SRM: variants seen among roughly 807,000 people sequenced by gnomAD.
SRM encodes putrescine aminopropyltransferase.
Under a neutral mutation model 39.3 loss-of-function variants are expected in SRM, and 14 were observed. The observed-to-expected ratio is 0.36, with a 90% CI of 0.24 to 0.56. SRM has a LOEUF of 0.56. Among genes scored for constraint, SRM ranks in the 20% least tolerant of loss-of-function variants. The pLI is 0.86. For missense variants in SRM, 244 were observed against 409.2 expected, an observed-to-expected ratio of 0.60 and a Z score of 3.48; for synonymous variants, 195 against 173.1, an observed-to-expected ratio of 1.13 and a Z score of -0.99.
chr1:11,059,906 G>A lies in SRM; in HGVS notation c.38C>T (p.Pro13Leu), dbSNP rs780258826. 1.0e-5 allele frequency: 14 copies of A among 1,404,030 alleles called. No homozygotes were observed. The highest frequency in any genetic ancestry group is 2.9e-5 in the Admixed American group (1 of 34,556). The allele number at this position is 1,404,030 out of a possible 1,614,324, so 87.0% of individuals were successfully genotyped here. ...PGPDGPAASG[P>L]AAIREGWFRE... ...GAACCAGCCCTCGCGGATGGCGGCG[G>A]GGCCGGAGGCGGCGGGGCCGTCGGG... The change falls in exon 1 of 8, where the codon CCC (proline) becomes CTC (leucine). Residue 13 changes from proline (P) to leucine (L), a missense_variant. Transcript: ENST00000376957.
Position 11,054,681 on chromosome 1 carries a change from G to A in SRM, c.*184C>T, listed in dbSNP as rs969362735. 10 of 839,742 alleles carry A rather than the reference G, an allele frequency of 1.2e-5. No individual in the cohort carries two copies. Among genetic ancestry groups the A allele is most frequent in the African/African-American group, 6.9e-5 (4 of 58,218 alleles). 52.0% of individuals were successfully genotyped at this position (839,742 alleles called of 1,614,324 possible). A position where few individuals can be genotyped will look rare whatever the true frequency, so the allele number is the denominator to read the frequency against. On this transcript the variant is annotated 3_prime_UTR_variant, in exon 8 of 8. Transcript: ENST00000376957. This position sits in a 1 kb window ranked among gnomAD's most constrained non-coding sequence, Gnocchi z 4.8. ...GCTGGTATAGGCTTGGAGGTGGAAC[G>A]CCAGAGAGACAGACACACAGACAGT...
intron 3 of SRM, 52 bp from the exon 4 acceptor site, chr1:11,056,809 G>A (rs755916901): frequency 7.5e-6 from 12 of 1,600,946 alleles, no homozygotes; most frequent in Admixed American, 1.7e-5. Context: ...GGGACCTGGA[G>A]CCAGCACAGC....
rs549626368 is a variant in SRM, at chr1:11,058,896, G to A, written c.289-4C>T. The A allele has an allele frequency of 1.9e-5, 30 of 1,603,758 alleles. No homozygotes were observed. Among genetic ancestry groups the A allele is most frequent in the Non-Finnish European group, 2.1e-5 (25 of 1,176,108 alleles). On this transcript the variant is annotated splice_region_variant and splice_polypyrimidine_tract_variant and intron_variant, in intron 2 of 7. Transcript: ENST00000376957. Reference sequence around the variant, plus strand: ...CTCCGCCCCCGATGATCAGCACCTGGGAGGAGGGGGCAGTCAAGGCAGGGG... The same window carrying A: ...CTCCGCCCCCGATGATCAGCACCTGAGAGGAGGGGGCAGTCAAGGCAGGGG...
At chr1:11,059,075 C>A (rs1239047226) in intron 2 of SRM, 150 bp downstream of exon 2, 1 of 1,430,900 alleles carries the variant, frequency 7.0e-7, no homozygotes, top group Non-Finnish European at 9.5e-7. Context: ...ATTCCGAGGC[C>A]GCGTCAGTGT....
chr1:11,054,683 CAG>C lies in SRM; in HGVS notation c.*180_*181del, dbSNP rs752702385. 4.0e-5 allele frequency: 35 copies of C among 866,188 alleles called. No homozygotes were observed. The Middle Eastern group carries it at 1.8e-3, about 44-fold the overall frequency. 53.7% of individuals were successfully genotyped at this position (866,188 alleles called of 1,614,324 possible). A position where few individuals can be genotyped will look rare whatever the true frequency, so the allele number is the denominator to read the frequency against. On this transcript the variant is annotated 3_prime_UTR_variant, in exon 8 of 8. Coordinates refer to ENST00000376957, the MANE Select transcript of SRM (RefSeq NM_003132.3). The surrounding 1 kb of genome is among the most constrained non-coding windows in gnomAD (Gnocchi z 4.8). Reference sequence around the variant, plus strand: ...TGGTATAGGCTTGGAGGTGGAACGCCAGAGAGACAGACACACAGACAGTCCGC... The same window carrying C: ...TGGTATAGGCTTGGAGGTGGAACGCCAGAGACAGACACACAGACAGTCCGC...
Position 11,059,870 on chromosome 1 carries a change from C to G in SRM, c.74G>C (p.Cys25Ser). The change falls in exon 1 of 8, where the codon TGC becomes TCC. Residue 25 changes from cysteine (C) to serine (S), a missense_variant. Physicochemically the swap from Cys to Ser is moderately radical, Grantham distance 112. Transcript: ENST00000376957. ...AIREGWFRETCSLWPGQALSL... is the reference protein window; with the variant it reads ...AIREGWFRETSSLWPGQALSL... ...CAGGGCCTGGCCGGGCCACAGGCTGCAGGTCTCGCGGAACCAGCCCTCGCG... is the reference window on the plus strand; with the variant it reads ...CAGGGCCTGGCCGGGCCACAGGCTGGAGGTCTCGCGGAACCAGCCCTCGCG... 6.5e-7 allele frequency: 1 copy of G among 1,538,618 alleles called. No individual in the cohort carries two copies. Among genetic ancestry groups the G allele is most frequent in the Non-Finnish European group, 8.7e-7 (1 of 1,152,942 alleles).
rs779125510 is a variant in SRM, at chr1:11,059,297, C to A, written c.216G>T (p.Thr72=). ...VLVLDGVIQC[T]ERDEFSYQEM... is the part of the protein sequence containing the mutation. Reference sequence around the variant, plus strand: ...CCTGGTAGGAGAACTCGTCTCTCTCCGTGCACTGGATGACACCGTCCAACA... The same window carrying A: ...CCTGGTAGGAGAACTCGTCTCTCTCAGTGCACTGGATGACACCGTCCAACA... Residue 72 remains threonine (T), a synonymous_variant, in exon 2 of 8, where the codon ACG becomes ACT. Coordinates refer to ENST00000376957, the MANE Select transcript of SRM (RefSeq NM_003132.3). The A allele has an allele frequency of 1.2e-6, 2 of 1,613,696 alleles. No homozygotes were observed. Among genetic ancestry groups the A allele is most frequent in the South Asian group, 2.2e-5 (2 of 91,080 alleles).
At chr1:11,058,293 G>A (rs1638915247) in intron 3 of SRM, among the ~76,000 whole-genome samples, 1 of 151,332 alleles carries the variant, frequency 6.6e-6, no homozygotes, top group Non-Finnish European at 1.5e-5. Context: ...GGGCGTGGTG[G>A]CTCACGCCTG....
intron 3 of SRM, 79 bp downstream of exon 3, chr1:11,058,721 G>A (rs773007141): frequency 8.6e-6 from 11 of 1,282,892 alleles, no homozygotes; most frequent in South Asian, 1.5e-5. Flanking sequence ...TGCCTTGCTC[G>A]GGGGTGTGCA....
chr1:11,056,131 G>A, intron 4 of SRM, 37 bp from the exon 5 acceptor site: 1 of 1,554,440 alleles, frequency 6.4e-7, no homozygotes, highest in South Asian at 1.2e-5. Flanking sequence ...GAACAGTCTG[G>A]CTGTGACCTC....
chr1:11,054,699 C>T lies in SRM; in HGVS notation c.*166G>A. ...GTGGAACGCCAGAGAGACAGACACA[C>T]AGACAGTCCGCCCAGCAGGGCAGGC... is the stretch of plus-strand genomic sequence containing the variant. On this transcript the variant is annotated 3_prime_UTR_variant, in exon 8 of 8. Transcript: ENST00000376957. This position sits in a 1 kb window ranked among gnomAD's most constrained non-coding sequence, Gnocchi z 4.8. 2.0e-6 allele frequency: 2 copies of T among 1,001,606 alleles called. No individual in the cohort carries two copies. Among genetic ancestry groups the T allele is most frequent in the Non-Finnish European group, 1.4e-6 (1 of 703,022 alleles). 62.0% of individuals were successfully genotyped at this position (1,001,606 alleles called of 1,614,324 possible). A position where few individuals can be genotyped will look rare whatever the true frequency, so the allele number is the denominator to read the frequency against.
chr1:11,059,702 G>C, intron 1 of SRM, 75 bp downstream of exon 1: 2 of 1,474,174 alleles, frequency 1.4e-6, no homozygotes, highest in South Asian at 2.5e-5. Flanking sequence ...TCCCGGCGTG[G>C]AGAGGCCCGT....
Position 11,059,251 on chromosome 1 carries a change from G to T in SRM, c.262C>A (p.Leu88Ile), listed in dbSNP as rs1234538580. Reference protein sequence around the residue: ...SYQEMIANLPLCSHPNPRKVL... With the variant: ...SYQEMIANLPICSHPNPRKVL... Reference sequence around the variant, plus strand: ...TTTCGCGGGTTGGGGTGGCTGCAGAGAGGCAGGTTGGCGATCATCTCCTGG... The same window carrying T: ...TTTCGCGGGTTGGGGTGGCTGCAGATAGGCAGGTTGGCGATCATCTCCTGG... The change falls in exon 2 of 8, where the codon CTC (leucine) becomes ATC (isoleucine). Residue 88 changes from leucine (L) to isoleucine (I), a missense_variant. Coordinates refer to ENST00000376957, the MANE Select transcript of SRM (RefSeq NM_003132.3). The T allele has an allele frequency of 6.2e-7, 1 of 1,613,552 alleles. No individual in the cohort carries two copies. Among genetic ancestry groups the T allele is most frequent in the Admixed American group, 1.7e-5 (1 of 60,028 alleles).
intron 6 of SRM, 94 bp from the exon 7 acceptor site, chr1:11,055,178 C>G: frequency 2.1e-6 from 3 of 1,457,474 alleles, no homozygotes; most frequent in Non-Finnish European, 2.7e-6. Context: ...AGTGCAGTGG[C>G]GTCATCTCAG....
chr1:11,059,752 A>G, intron 1 of SRM, 25 bp downstream of exon 1: 1 of 1,560,992 alleles, frequency 6.4e-7, no homozygotes, highest in South Asian at 1.1e-5. Flanking sequence ...CCTAGGGGGC[A>G]GGCGCCTGCG....
rs771835907 is a variant in SRM at position 11,059,830 on chromosome 1, C to T, written c.114G>A (p.Glu38=). The T allele has an allele frequency of 6.3e-7, 1 of 1,575,342 alleles. No homozygotes were observed. Among genetic ancestry groups the T allele is most frequent in the South Asian group, 1.1e-5 (1 of 89,576 alleles). ...GCGAGCGCCGGTGGTGGAGCAGCTG[C>T]TCCACCTGCAGTGACAGGGCCTGGC... ...WPGQALSLQV[E]QLLHHRRSRY... is the part of the protein sequence containing the mutation. The change falls in exon 1 of 8, where the codon GAG becomes GAA. Residue 38 remains glutamate (E), a synonymous_variant. Transcript: ENST00000376957.
intron 5 of SRM, 41 bp from the exon 6 acceptor site, chr1:11,055,967 T>C: frequency 1.3e-6 from 2 of 1,589,720 alleles, no homozygotes; most frequent in Non-Finnish European, 1.7e-6. Flanking sequence ...GGGCCTGCCC[T>C]GCCCCACCCC....
At chr1:11,055,963 G>A (rs1638871021) in intron 5 of SRM, 37 bp from the exon 6 acceptor site, 2 of 1,589,910 alleles carry the variant, frequency 1.3e-6, no homozygotes, top group Non-Finnish European at 1.7e-6. Context: ...GGCAGGGCCT[G>A]CCCTGCCCCA....
In SRM at chr1:11,055,924, C is replaced by G. The variant is rs1448571929; in HGVS notation, c.622G>C (p.Glu208Gln). The change falls in exon 6 of 8, where the codon GAG becomes CAG. Residue 208 changes from glutamate to glutamine, a missense_variant and splice_region_variant. By Grantham distance (29) the Glu-to-Gln change is conservative (BLOSUM62 2). Coordinates refer to ENST00000376957, the MANE Select transcript of SRM (RefSeq NM_003132.3). Reference sequence around the variant, plus strand: ...AGGTCCAGGTGCAGCCACTGGCACTCGCCTGGGGGCCCCTAAGCATCAGCA... The same window carrying G: ...AGGTCCAGGTGCAGCCACTGGCACTGGCCTGGGGGCCCCTAAGCATCAGCA... The part of the protein sequence containing the change: ...KEDGVLCCQG[E>Q]CQWLHLDLIK... 1 of 1,598,846 alleles carries G rather than the reference C, an allele frequency of 6.3e-7. No individual in the cohort carries two copies. The highest frequency in any genetic ancestry group is 8.5e-7 in the Non-Finnish European group (1 of 1,170,598).
Sources: gnomAD v4.1 joint callset for allele counts (sites outside exome capture counted in the v4.1 genomes callset) on GRCh38, gnomAD v4.1.1 for gene constraint, Gnocchi (gnomAD v3.1) non-coding constraint, MANE v1.5 for transcripts, NCBI Gene and HGNC (gene_info 2026-07-23, HGNC 2026-07-21) for gene names.